UCP2: variants seen among roughly 807,000 people sequenced by gnomAD.
The protein encoded by UCP2 is uncoupling protein 2.
Under a neutral mutation model 31.3 loss-of-function variants are expected in UCP2, and 27 were observed. The observed-to-expected ratio is 0.86, with a 90% CI of 0.64 to 1.19. The LOEUF (loss-of-function observed/expected upper bound fraction) is 1.19, where lower values mean the gene tolerates loss of function less well. Among genes scored for constraint, UCP2 ranks in the 50% most tolerant of loss-of-function variants. UCP2 has a pLI of 0.00. For synonymous variants in UCP2, 142 were observed against 157.4 expected, an observed-to-expected ratio of 0.90 and a Z score of 0.73; for missense variants, 377 against 413.5, an observed-to-expected ratio of 0.91 and a Z score of 0.76.
At chr11:73,975,853 C>T (rs1951335264) in intron 6 of UCP2, among the ~76,000 whole-genome samples, 182 bp from the exon 7 acceptor site, 1 of 152,098 alleles carries the variant, frequency 6.6e-6, no homozygotes, top group Non-Finnish European at 1.5e-5. Context: ...CACTTGAGCC[C>T]AGGAGTTCAA....
Position 73,974,817 on chromosome 11 carries a change from C to T in UCP2, c.*190G>A. The T allele has an allele frequency of 5.4e-6, 2 of 372,400 alleles. No individual in the cohort carries two copies. The highest frequency in any genetic ancestry group is 2.4e-5 in the South Asian group (1 of 41,020). The allele number at this position is 372,400 out of a possible 1,614,324, so 23.1% of individuals were successfully genotyped here. On this transcript the variant is annotated 3_prime_UTR_variant, in exon 8 of 8. Coordinates refer to ENST00000663595, the MANE Select transcript of UCP2 (RefSeq NM_003355.3). ...CTCCCACACTGTCAAATGTCAACTC[C>T]ACCAGCACTGAGACAATGAGTAGAT... is the stretch of plus-strand genomic sequence containing the variant.
chr11:73,982,248 G>A (rs1301320620), intron 1 of UCP2, among the ~76,000 whole-genome samples: 1 of 152,178 alleles, frequency 6.6e-6, no homozygotes, highest in Non-Finnish European at 1.5e-5. Context: ...AGAACAAAAG[G>A]GACTAAGAAA....
rs1951308399 is a variant in UCP2, at chr11:73,974,796, C to CA, written c.*210dup. ...GGATCCTGGCTGGTACGAGGCCTCC[C>CA]ACACTGTCAAATGTCAACTCCACCA... On this transcript the variant is annotated 3_prime_UTR_variant, in exon 8 of 8. Coordinates refer to ENST00000663595, the MANE Select transcript of UCP2 (RefSeq NM_003355.3). The CA allele has an allele frequency of 2.8e-6, 1 of 359,426 alleles. No individual in the cohort carries two copies. The highest frequency in any genetic ancestry group is 2.6e-5 in the African/African-American group (1 of 37,906). The allele number at this position is 359,426 out of a possible 1,614,324, so 22.3% of individuals were successfully genotyped here.
Position 73,977,485 on chromosome 11 carries a change from G to A in UCP2, c.337+401C>T, listed in dbSNP as rs533163384. ...TCGTCATGTGTAAAATGGAGGGTTG[G>A]CATGGCATACTAAGGAGGTGAAAGG... On this transcript the variant is annotated intron_variant, in intron 4 of 7. Transcript: ENST00000663595. 1.1e-4 allele frequency among the ~76,000 whole-genome samples: 16 copies of A among 152,078 alleles called. 1 individual carries two copies. The highest frequency in any genetic ancestry group is 1.0e-3 in the South Asian group (5 of 4,814).
intron 6 of UCP2, 146 bp from the exon 7 acceptor site, chr11:73,975,817 TC>T: frequency 2.8e-6 from 1 of 359,818 alleles, no homozygotes; most frequent in Non-Finnish European, 3.9e-6. Flanking sequence ...ATCCAGGACT[TC>T]TTTTGGAGGC....
chr11:73,975,458 G>A (rs1951326276), intron 7 of UCP2, 33 bp downstream of exon 7: 1 of 1,592,598 alleles, frequency 6.3e-7, no homozygotes, highest in African/African-American at 1.3e-5. Context: ...TAGCCAAGAG[G>A]CCTGAACTGG....
chr11:73,977,033 G>A lies in UCP2; in HGVS notation c.338-16C>T. ...ATGCTGGCATCTGTGGGCGAGCCAT[G>A]GGGTCAGTGGCCAGCGGGCTTGCAC... On this transcript the variant is annotated splice_polypyrimidine_tract_variant and intron_variant, in intron 4 of 7. Coordinates refer to ENST00000663595, the MANE Select transcript of UCP2 (RefSeq NM_003355.3). 6.3e-7 allele frequency: 1 copy of A among 1,590,680 alleles called. No individual in the cohort carries two copies. The highest frequency in any genetic ancestry group is 8.6e-7 in the Non-Finnish European group (1 of 1,165,894).
rs1198274739 is a variant in UCP2, at chr11:73,974,902, A to C, written c.*105T>G. 1 of 953,696 alleles carries C rather than the reference A, an allele frequency of 1.0e-6. No individual in the cohort carries two copies. The allele number at this position is 953,696 out of a possible 1,614,324, so 59.1% of individuals were successfully genotyped here. ...GAGCGGAAGGAAGAGGTGGGGAAAGAGGGAAGGAGAGAAGGGAAGGAGGGA... is the reference window on the plus strand; with the variant it reads ...GAGCGGAAGGAAGAGGTGGGGAAAGCGGGAAGGAGAGAAGGGAAGGAGGGA... On this transcript the variant is annotated 3_prime_UTR_variant, in exon 8 of 8. Coordinates refer to ENST00000663595, the MANE Select transcript of UCP2 (RefSeq NM_003355.3).
chr11:73,978,493 A>T lies in UCP2; in HGVS notation c.-99-16T>A. 2 of 1,484,318 alleles carry T rather than the reference A, an allele frequency of 1.3e-6. No homozygotes were observed. Among genetic ancestry groups the T allele is most frequent in the Non-Finnish European group, 1.8e-6 (2 of 1,093,318 alleles). 91.9% of individuals were successfully genotyped at this position (1,484,318 alleles called of 1,614,324 possible). ...CTGCCGGAATCTAAGCCAAGAGGAG[A>T]AAAGCCCCATTAGCCACAATGTCCC... On this transcript the variant is annotated splice_polypyrimidine_tract_variant and intron_variant, in intron 2 of 7. Coordinates refer to ENST00000663595, the MANE Select transcript of UCP2 (RefSeq NM_003355.3).
chr11:73,979,527 C>A (rs565528330), intron 2 of UCP2, among the ~76,000 whole-genome samples: 3 of 151,664 alleles, frequency 2.0e-5, no homozygotes, highest in African/African-American at 7.3e-5. Context: ...GCCTAGGCGA[C>A]AGAGCAAGAC....
rs761798872 is a variant in UCP2 at position 73,976,721 on chromosome 11, C to A, written c.554G>T (p.Arg185Leu). 6.2e-7 allele frequency: 1 copy of A among 1,613,984 alleles called. No individual in the cohort carries two copies. Among genetic ancestry groups the A allele is most frequent in the Non-Finnish European group, 8.5e-7 (1 of 1,180,024 alleles). The change falls in exon 6 of 8, where the codon CGT becomes CTT. Residue 185 changes from arginine to leucine, a missense_variant. Transcript: ENST00000663595. Reference protein sequence around the residue: ...LWKGTSPNVARNAIVNCAELV... With the variant: ...LWKGTSPNVALNAIVNCAELV... ...CTCAGCACAGTTGACAATGGCATTA[C>A]GAGCAACATTGGGAGAGGTCCCTGT...
chr11:73,978,381 T>C lies in UCP2; in HGVS notation c.-3A>G. The C allele has an allele frequency of 1.2e-6, 2 of 1,614,146 alleles. No homozygotes were observed. Among genetic ancestry groups the C allele is most frequent in the Non-Finnish European group, 1.7e-6 (2 of 1,180,016 alleles). ...TCTGTGGCCTTGAACCCAACCATGA[T>C]GCTGATTTCCTGCTACGTCCCAGGA... On this transcript the variant is annotated 5_prime_UTR_variant, in exon 3 of 8. Transcript: ENST00000663595.
At position 73,978,348 on chromosome 11, in the gene UCP2, G is replaced by A. The variant is rs374054689; in HGVS notation, c.31C>T (p.Pro11Ser). 22 of 1,614,066 alleles carry A rather than the reference G, an allele frequency of 1.4e-5. No homozygotes were observed. The highest frequency in any genetic ancestry group is 2.7e-5 in the African/African-American group (2 of 74,922). The change falls in exon 3 of 8, where the codon CCT becomes TCT. Residue 11 changes from proline (P) to serine (S), a missense_variant. Transcript: ENST00000663595. The part of the protein sequence containing the change: MVGFKATDVP[P>S]TATVKFLGAG... ...CCAAGAAACTTCACAGTGGCAGTAG[G>A]GGGCACATCTGTGGCCTTGAACCCA... is the stretch of plus-strand genomic sequence containing the variant.
intron 4 of UCP2, among the ~76,000 whole-genome samples, chr11:73,977,429 G>C (rs572341104): frequency 6.6e-6 from 1 of 152,276 alleles, no homozygotes; most frequent in South Asian, 2.1e-4. Flanking sequence ...ATGTGATCTG[G>C]GAAAGACAAC....
At chr11:73,977,171 T>C in intron 4 of UCP2, 154 bp from the exon 5 acceptor site, 1 of 728,794 alleles carries the variant, frequency 1.4e-6, no homozygotes. Context: ...CTGTAAGAAC[T>C]CCTCACATCA....
intron 4 of UCP2, 129 bp downstream of exon 4, chr11:73,977,757 T>C: frequency 7.9e-7 from 1 of 1,272,786 alleles, no homozygotes; most frequent in Non-Finnish European, 1.1e-6. Flanking sequence ...CAGGGCCCCT[T>C]CCAGTTCTCT....
chr11:73,979,246 G>A (rs1299034524), intron 2 of UCP2, among the ~76,000 whole-genome samples: 1 of 152,222 alleles, frequency 6.6e-6, no homozygotes, highest in Non-Finnish European at 1.5e-5. Flanking sequence ...AAGAGTGGGT[G>A]ATCAGAAAAG....
chr11:73,975,301 A>G (rs1336887484), intron 7 of UCP2, among the ~76,000 whole-genome samples, 180 bp from the exon 8 acceptor site: 1 of 152,160 alleles, frequency 6.6e-6, no homozygotes, highest in Non-Finnish European at 1.5e-5. Context: ...TTTAACACCT[A>G]ATAAACAGTG....
chr11:73,979,780 T>A (rs1329935077), intron 2 of UCP2, among the ~76,000 whole-genome samples: 1 of 150,958 alleles, frequency 6.6e-6, no homozygotes, highest in Non-Finnish European at 1.5e-5. Flanking sequence ...ATTGTGCCAC[T>A]GTGCTCCAGT....
Sources: gnomAD v4.1 joint callset for allele counts (sites outside exome capture counted in the v4.1 genomes callset) on GRCh38, gnomAD v4.1.1 for gene constraint, MANE v1.5 for transcripts, NCBI Gene and HGNC (gene_info 2026-07-23, HGNC 2026-07-21) for gene names.